Variants in NUP210L observed in about 807,000 individuals in gnomAD.
NUP210L encodes the protein nucleoporin 210 like.
NUP210L carries 74 observed loss-of-function variants against 208.5 expected under a neutral mutation model. The observed-to-expected ratio is 0.35, with a 90% CI of 0.29 to 0.43. NUP210L has a LOEUF of 0.43. Ranked by LOEUF, NUP210L falls within the 20% of genes least tolerant of loss-of-function variation. The pLI is 1.00. For missense variants in NUP210L, 1,843 were observed against 2,289.4 expected (o/e 0.81, Z 3.98); for synonymous variants, 780 against 816.9 (o/e 0.95, Z 0.77).
rs929528427 is a variant in NUP210L at position 154,054,508 on chromosome 1, C to T, written c.3304-101G>A. 6 of 1,124,436 alleles carry T rather than the reference C, an allele frequency of 5.3e-6. No homozygotes were observed. In the African/African-American group the frequency reaches 7.7e-5, roughly 14 times the overall value. The allele number at this position is 1,124,436 out of a possible 1,614,324, so 69.7% of individuals were successfully genotyped here. A position where few individuals can be genotyped will look rare whatever the true frequency, so the allele number is the denominator to read the frequency against. ...AGCAACTTGACTTCTTCATCTTCCC[C>T]CATTTCTTGAACAACATATCCCATA... On this transcript the variant is annotated intron_variant, in intron 24 of 39. Transcript: ENST00000368559.
At chr1:153,993,171 G>T in intron 38 of NUP210L, 82 bp from the exon 39 acceptor site, 1 of 857,562 alleles carries the variant, frequency 1.2e-6, no homozygotes, top group Non-Finnish European at 1.8e-6. Flanking sequence ...TGAGAATATT[G>T]CTAAAAATAA....
At chr1:154,038,477 G>A (rs1652686444) in intron 27 of NUP210L, among the ~76,000 whole-genome samples, 1 of 152,008 alleles carries the variant, frequency 6.6e-6, no homozygotes, top group South Asian at 2.1e-4. Context: ...TAAGTAGCTG[G>A]GATTACAGGA....
Position 154,154,714 on chromosome 1 carries a change from T to C in NUP210L, c.203+128A>G, listed in dbSNP as rs1659606222. ...CACCTTCACTGACACCACACTCTCC[T>C]CCCCTACCGGCTAGGCCCCTTCACG... On this transcript the variant is annotated intron_variant, in intron 1 of 39. Transcript: ENST00000368559. 1.7e-5 allele frequency: 12 copies of C among 722,310 alleles called. No individual in the cohort carries two copies. In the East Asian group the frequency reaches 2.9e-4, roughly 18 times the overall value. 44.7% of individuals were successfully genotyped at this position (722,310 alleles called of 1,614,324 possible). A position where few individuals can be genotyped will look rare whatever the true frequency, so the allele number is the denominator to read the frequency against.
rs745662733 is a variant in NUP210L at position 154,118,821 on chromosome 1, G to GA, written c.1327-14dup. The GA allele has an allele frequency of 1.4e-6, 2 of 1,480,084 alleles. No individual in the cohort carries two copies. Among genetic ancestry groups the GA allele is most frequent in the East Asian group, 2.3e-5 (1 of 43,918 alleles). The allele number at this position is 1,480,084 out of a possible 1,614,324, so 91.7% of individuals were successfully genotyped here. On this transcript the variant is annotated splice_polypyrimidine_tract_variant and intron_variant, in intron 10 of 39. Transcript: ENST00000368559. The stretch of plus-strand genomic sequence containing the variant: ...GAATATCTTTATTCTATAAGAGCAG[G>GA]AAAAAAGGAGCAAAATATATTTATA...
At chr1:154,090,496 A>G (rs1655849029) in intron 15 of NUP210L, among the ~76,000 whole-genome samples, 1 of 152,132 alleles carries the variant, frequency 6.6e-6, no homozygotes, top group South Asian at 2.1e-4. Context: ...CATCATACTC[A>G]ATAGTAAAAG....
At chr1:154,093,742 G>GT (rs1249247807) in intron 15 of NUP210L, among the ~76,000 whole-genome samples, 1 of 152,188 alleles carries the variant, frequency 6.6e-6, no homozygotes, top group Non-Finnish European at 1.5e-5. Flanking sequence ...CTGTTTCACA[G>GT]TCATACCTTG....
intron 30 of NUP210L, among the ~76,000 whole-genome samples, chr1:154,025,170 C>T (rs1307243075): frequency 1.3e-5 from 2 of 151,920 alleles, no homozygotes; most frequent in South Asian, 2.1e-4. Flanking sequence ...CCTCGTGATC[C>T]GCCTGCCTCA....
intron 35 of NUP210L, among the ~76,000 whole-genome samples, chr1:154,004,787 C>T (rs540029704): frequency 6.6e-6 from 1 of 152,104 alleles, no homozygotes; most frequent in South Asian, 2.1e-4. Flanking sequence ...GCTGGGATTA[C>T]AGGCATGAGC....
At chr1:154,119,605 A>G (rs1309263856) in intron 10 of NUP210L, among the ~76,000 whole-genome samples, 1 of 152,000 alleles carries the variant, frequency 6.6e-6, no homozygotes, top group African/African-American at 2.4e-5. Flanking sequence ...CAAACAAACA[A>G]ACAAAAAACC....
chr1:154,118,019 G>T, intron 11 of NUP210L, 139 bp from the exon 12 acceptor site: 1 of 653,084 alleles, frequency 1.5e-6, no homozygotes, highest in Non-Finnish European at 2.5e-6. Context: ...ATTAGAAACT[G>T]TGACACTAGG....
At position 154,045,015 on chromosome 1, in the gene NUP210L, T is replaced by C. The variant is rs191320252; in HGVS notation, c.3696+1054A>G. ...TAGATGTCTATCCTGAGGTCTTCTA[T>C]GGTTCCAGATACAGCAGGTAGTGAA... On this transcript the variant is annotated intron_variant, in intron 27 of 39. Coordinates refer to ENST00000368559, the Ensembl canonical transcript of NUP210L. 4.6e-5 allele frequency among the ~76,000 whole-genome samples: 7 copies of C among 152,318 alleles called. No individual in the cohort carries two copies. The East Asian group carries it at 1.3e-3, about 29-fold the overall frequency.
intron 35 of NUP210L, among the ~76,000 whole-genome samples, chr1:154,007,479 C>G (rs1014592013): frequency 6.6e-6 from 1 of 151,876 alleles, no homozygotes; most frequent in Non-Finnish European, 1.5e-5. Flanking sequence ...TGAGGCTGGT[C>G]GTGAACTCCC....
At chr1:154,097,008 G>T (rs371383477) in intron 14 of NUP210L, among the ~76,000 whole-genome samples, 1 of 152,286 alleles carries the variant, frequency 6.6e-6, no homozygotes, top group South Asian at 2.1e-4. Context: ...TTGAACCTAG[G>T]GGGTGGAGGT....
At chr1:154,076,381 CAT>C (rs1250218947) in intron 16 of NUP210L, among the ~76,000 whole-genome samples, 1 of 152,126 alleles carries the variant, frequency 6.6e-6, no homozygotes, top group African/African-American at 2.4e-5. Context: ...GGATTACAAA[CAT>C]GAGCCACTGT....
chr1:154,106,176 G>A (rs191796399), intron 12 of NUP210L, among the ~76,000 whole-genome samples: 396 of 152,168 alleles, frequency 2.6e-3, no homozygotes, highest in African/African-American at 9.0e-3. Flanking sequence ...CAAGGGAATC[G>A]CTCGAACCCA....
chr1:154,000,859 C>T (rs199644738), exon 37 of NUP210L: 1 of 1,612,922 alleles, frequency 6.2e-7, no homozygotes, highest in Non-Finnish European at 8.5e-7. Context: ...TGCTTACCTG[C>T]ACCCAACTTA....
intron 20 of NUP210L, among the ~76,000 whole-genome samples, chr1:154,058,915 G>A (rs1387563573): frequency 3.3e-5 from 5 of 152,220 alleles, no homozygotes; most frequent in Admixed American, 6.6e-5. Context: ...TAGGTTGGGC[G>A]CAGTGGCTCA....
chr1:154,127,761 G>A (rs923871866), intron 8 of NUP210L, among the ~76,000 whole-genome samples: 8 of 151,996 alleles, frequency 5.3e-5, no homozygotes, highest in African/African-American at 1.9e-4. Context: ...TGCCATGTTG[G>A]CCAGGCTGGT....
intron 32 of NUP210L, among the ~76,000 whole-genome samples, chr1:154,019,960 G>T (rs1312208545): frequency 6.6e-6 from 1 of 151,894 alleles, no homozygotes; most frequent in Non-Finnish European, 1.5e-5. Context: ...AAAAGAGAGG[G>T]TAAAAAATAC....
Sources: allele counts gnomAD v4.1 joint callset (sites outside exome capture counted in the v4.1 genomes callset), GRCh38; gene constraint gnomAD v4.1.1; transcripts MANE v1.5; gene names NCBI Gene and HGNC (gene_info 2026-07-23, HGNC 2026-07-21).